Variants in ZNF423 observed in about 807,000 individuals in gnomAD.
The protein encoded by ZNF423 is Ebf-associated zinc finger protein.
A neutral mutation model predicts 95.8 loss-of-function variants in ZNF423; 12 were observed. The ratio of observed to expected loss-of-function variants is 0.13; its 90% CI spans 0.08 to 0.20. The LOEUF (loss-of-function observed/expected upper bound fraction) is 0.20, where lower values mean the gene tolerates loss of function less well. ZNF423 is among the 10% of genes least tolerant of loss of function. ZNF423 has a pLI of 1.00. For missense variants in ZNF423, 1,316 were observed against 1,737.1 expected (o/e 0.76, Z 4.31); for synonymous variants, 749 against 711.9 (o/e 1.05, Z -0.83).
At chr16:49,720,028 G>A (rs2032820412) in intron 3 of ZNF423, among the ~76,000 whole-genome samples, 1 of 152,096 alleles carries the variant, frequency 6.6e-6, no homozygotes, top group Non-Finnish European at 1.5e-5. Flanking sequence ...TAATATTGTA[G>A]GGGCCAAGCC....
chr16:49,589,861 G>C (rs75607352), intron 5 of ZNF423, among the ~76,000 whole-genome samples: 3,163 of 151,886 alleles, frequency 0.021, 118 homozygotes, highest in African/African-American at 0.072. Context: ...TCGCCATAAC[G>C]AGAGCTGAAC....
chr16:49,650,226 A>G (rs893283042), intron 3 of ZNF423, among the ~76,000 whole-genome samples: 2 of 152,204 alleles, frequency 1.3e-5, no homozygotes, highest in Non-Finnish European at 2.9e-5. Flanking sequence ...AACTCAGTCA[A>G]TTGCAGGGAG....
chr16:49,714,644 T>C (rs1456181722), intron 3 of ZNF423, among the ~76,000 whole-genome samples: 2 of 144,850 alleles, frequency 1.4e-5, no homozygotes, highest in Admixed American at 1.4e-4. Flanking sequence ...AAAAAACTGA[T>C]GAGGCCGGGT....
chr16:49,553,334 T>C (rs1597093368), intron 5 of ZNF423, among the ~76,000 whole-genome samples: 1 of 151,940 alleles, frequency 6.6e-6, no homozygotes, highest in Admixed American at 6.5e-5. Context: ...ATATATATAT[T>C]TCTTTTCTTA....
intron 5 of ZNF423, among the ~76,000 whole-genome samples, chr16:49,557,536 C>T (rs191126271): frequency 1.5e-4 from 23 of 152,252 alleles, no homozygotes; most frequent in East Asian, 3.9e-4. Flanking sequence ...GGTGGGGACA[C>T]GGGTGCTTGG....
intron 3 of ZNF423, among the ~76,000 whole-genome samples, chr16:49,654,776 G>A (rs571853637): frequency 6.6e-6 from 1 of 152,190 alleles, no homozygotes; most frequent in Non-Finnish European, 1.5e-5. Flanking sequence ...CTTCAGATTA[G>A]GCCAGGGAGA....
intron 4 of ZNF423, among the ~76,000 whole-genome samples, chr16:49,632,707 G>C (rs1282025136): frequency 1.3e-5 from 2 of 152,202 alleles, no homozygotes; most frequent in Non-Finnish European, 2.9e-5. Context: ...GCCACAGCAA[G>C]GTTCCTGGAT....
intron 5 of ZNF423, among the ~76,000 whole-genome samples, chr16:49,598,975 G>A (rs1462561676): frequency 6.6e-6 from 1 of 152,212 alleles, no homozygotes; most frequent in Non-Finnish European, 1.5e-5. Context: ...TGGCTGGAAT[G>A]AAAGGCTACA....
chr16:49,491,320 A>G lies in ZNF423; in HGVS notation c.3850-16T>C. ...TCGTGTGGTTCTGCAAAGGCGAAGA[A>G]AGGAGACACACATGAAGGAGAAGAA... On this transcript the variant is annotated splice_polypyrimidine_tract_variant and intron_variant, in intron 7 of 7. Coordinates refer to ENST00000563137, the MANE Select transcript of ZNF423 (RefSeq NM_001379286.1). 6.2e-7 allele frequency: 1 copy of G among 1,613,940 alleles called. No individual in the cohort carries two copies. The highest frequency in any genetic ancestry group is 8.5e-7 in the Non-Finnish European group (1 of 1,180,022).
chr16:49,639,193 CA>C (rs1274518230), intron 3 of ZNF423, among the ~76,000 whole-genome samples: 2 of 152,206 alleles, frequency 1.3e-5, no homozygotes, highest in African/African-American at 4.8e-5. Flanking sequence ...AAAGGAGGGG[CA>C]GCCTGGACAA....
At chr16:49,819,181 C>T (rs975892117) in intron 1 of ZNF423, among the ~76,000 whole-genome samples, 22 of 135,662 alleles carry the variant, frequency 1.6e-4, no homozygotes, top group African/African-American at 6.1e-4. Context: ...ACCCGGGAGG[C>T]GGAGCTTGCA....
rs759379973 is a variant in ZNF423, at chr16:49,525,539, C to A, written c.3602-45G>T. On this transcript the variant is annotated intron_variant, in intron 5 of 7. Coordinates refer to ENST00000563137, the MANE Select transcript of ZNF423 (RefSeq NM_001379286.1). Reference sequence around the variant, plus strand: ...CCAGTCAGTGACCAGCATGCCATGTCCCCCAGACAGGTGCTCACAAGGCCT... The same window carrying A: ...CCAGTCAGTGACCAGCATGCCATGTACCCCAGACAGGTGCTCACAAGGCCT... 9.9e-6 allele frequency: 16 copies of A among 1,610,296 alleles called. No homozygotes were observed. The East Asian group carries it at 2.5e-4, about 25-fold the overall frequency.
intron 4 of ZNF423, among the ~76,000 whole-genome samples, chr16:49,627,736 ACCCG>A: frequency 7.3e-6 from 1 of 136,978 alleles, no homozygotes; most frequent in East Asian, 2.2e-4. Flanking sequence ...TCTTCTATCT[ACCCG>A]CCCATCCATC....
At chr16:49,691,745 A>AG (rs1384015083) in intron 3 of ZNF423, among the ~76,000 whole-genome samples, 2 of 151,600 alleles carry the variant, frequency 1.3e-5, no homozygotes, top group African/African-American at 4.8e-5. Flanking sequence ...AAAAAAAAAA[A>AG]TAGAGGATCC....
At chr16:49,739,207 G>A (rs563255649) in intron 2 of ZNF423, among the ~76,000 whole-genome samples, 8 of 152,288 alleles carry the variant, frequency 5.3e-5, no homozygotes, top group African/African-American at 1.9e-4. Flanking sequence ...TACAAAGCCA[G>A]ATGCTTGGCT....
intron 3 of ZNF423, among the ~76,000 whole-genome samples, chr16:49,674,492 T>C (rs552987974): frequency 5.8e-4 from 89 of 152,286 alleles, no homozygotes; most frequent in Non-Finnish European, 1.1e-3. Flanking sequence ...GTCACTCTAC[T>C]GGAAACACAA....
chr16:49,570,181 T>C (rs1970312550), intron 5 of ZNF423, among the ~76,000 whole-genome samples: 1 of 152,252 alleles, frequency 6.6e-6, no homozygotes, highest in Admixed American at 6.5e-5. Context: ...TGGCTCTGAC[T>C]GACGGAGCAT....
intron 2 of ZNF423, among the ~76,000 whole-genome samples, chr16:49,779,582 G>A (rs369086648): frequency 3.9e-5 from 6 of 152,274 alleles, no homozygotes; most frequent in African/African-American, 1.2e-4. Flanking sequence ...CAACACTGGA[G>A]GGAGCAGGAT....
At chr16:49,690,772 G>A (rs1225341797) in intron 3 of ZNF423, among the ~76,000 whole-genome samples, 1 of 152,180 alleles carries the variant, frequency 6.6e-6, no homozygotes, top group Non-Finnish European at 1.5e-5. Flanking sequence ...GGCACACAGA[G>A]AGGTACCCCC....
Sources: allele counts gnomAD v4.1 joint callset (sites outside exome capture counted in the v4.1 genomes callset), GRCh38; gene constraint gnomAD v4.1.1; transcripts MANE v1.5; gene names NCBI Gene and HGNC (gene_info 2026-07-23, HGNC 2026-07-21).